The following BCL7A variants were observed in gnomAD, a reference collection of about 807,000 sequenced individuals.
The protein encoded by BCL7A is BAF chromatin remodeling complex subunit BCL7A, also known as B-cell CLL/lymphoma 7 protein family member A.
In BCL7A, 11 loss-of-function variants were observed where a neutral mutation model predicts 28.4. The observed-to-expected ratio is 0.39, with a 90% confidence interval of 0.24 to 0.64. The LOEUF (loss-of-function observed/expected upper bound fraction) is 0.64, where lower values mean the gene tolerates loss of function less well. Among genes scored for constraint, BCL7A ranks in the 30% least tolerant of loss-of-function variants. The probability of loss-of-function intolerance (pLI) is 0.50; values close to 1 mark genes in which losing one functional copy is unlikely to be tolerated. For synonymous variants in BCL7A, 123 were observed against 103.3 expected (o/e 1.19, Z -1.15); for missense variants, 222 against 274.8 (o/e 0.81, Z 1.36).
chr12:122,039,947 C>T (rs1285127107), intron 3 of BCL7A, among the ~76,000 whole-genome samples: 1 of 152,150 alleles, frequency 6.6e-6, no homozygotes, highest in African/African-American at 2.4e-5. Context: ...CAATCCTCCT[C>T]CCTCAACCTC....
At chr12:122,049,035 A>ATATAT (rs1491333665) in intron 4 of BCL7A, among the ~76,000 whole-genome samples, 2 of 58,364 alleles carry the variant, frequency 3.4e-5, no homozygotes, top group East Asian at 4.8e-4. Flanking sequence ...AAAAAAAAAA[A>ATATAT]ATATATATAT....
intron 4 of BCL7A, among the ~76,000 whole-genome samples, chr12:122,051,927 G>A (rs1029909914): frequency 3.3e-5 from 4 of 120,236 alleles, no homozygotes; most frequent in Non-Finnish European, 6.3e-5. Context: ...AGGCTGGAGT[G>A]CAGTGGTGCG....
chr12:122,052,230 C>T (rs919156076), intron 4 of BCL7A, among the ~76,000 whole-genome samples: 2 of 152,064 alleles, frequency 1.3e-5, no homozygotes, highest in Non-Finnish European at 2.9e-5. Flanking sequence ...GATGAGATTT[C>T]ACTATATTTC....
chr12:122,031,308 G>A (rs187094636), intron 2 of BCL7A, among the ~76,000 whole-genome samples: 6 of 152,176 alleles, frequency 3.9e-5, no homozygotes, highest in African/African-American at 9.6e-5. Flanking sequence ...GAGTTAAGGC[G>A]TGAACCAGTG....
At chr12:122,047,692 T>C (rs1319511576) in intron 4 of BCL7A, among the ~76,000 whole-genome samples, 2 of 151,242 alleles carry the variant, frequency 1.3e-5, no homozygotes, top group Non-Finnish European at 3.0e-5. Context: ...GCCCTGGTAA[T>C]GTTTATAGTT....
chr12:122,025,335 A>T (rs575643739), intron 1 of BCL7A, among the ~76,000 whole-genome samples: 1 of 151,750 alleles, frequency 6.6e-6, no homozygotes, highest in Non-Finnish European at 1.5e-5. Context: ...AAAGAAAAAG[A>T]AAAAAAAGAG....
chr12:122,022,264 CGCCCCGGCCGCCT>C, intron 1 of BCL7A, 81 bp downstream of exon 1: 2 of 812,720 alleles, frequency 2.5e-6, no homozygotes, highest in Non-Finnish European at 3.0e-6. Flanking sequence ...CGGGGCGCAG[CGCCCCGGCCGCCT>C]GCCCCGGCCC....
chr12:122,025,038 T>G (rs1320486704), intron 1 of BCL7A, among the ~76,000 whole-genome samples: 1 of 150,922 alleles, frequency 6.6e-6, no homozygotes, highest in African/African-American at 2.4e-5. Context: ...TTTTCTGGTG[T>G]TTCAGCAAGG....
intron 4 of BCL7A, chr12:122,044,329 C>G: frequency 2.9e-6 from 1 of 341,524 alleles, no homozygotes; most frequent in East Asian, 5.6e-5. Context: ...GGCAACATAG[C>G]AAGACCTCAT....
At chr12:122,024,177 G>T (rs1355074953) in intron 1 of BCL7A, among the ~76,000 whole-genome samples, 2 of 152,350 alleles carry the variant, frequency 1.3e-5, no homozygotes, top group East Asian at 1.9e-4. Context: ...GCCTCCCTGG[G>T]TTTGGGGAAA....
chr12:122,043,005 C>CA (rs1883990720), intron 3 of BCL7A, among the ~76,000 whole-genome samples: 1 of 151,798 alleles, frequency 6.6e-6, no homozygotes, highest in Non-Finnish European at 1.5e-5. Flanking sequence ...TCCCCTCCCC[C>CA]AACTTTTTTT....
chr12:122,045,053 T>G (rs1884043455), intron 4 of BCL7A, among the ~76,000 whole-genome samples: 1 of 151,620 alleles, frequency 6.6e-6, no homozygotes, highest in South Asian at 2.1e-4. Flanking sequence ...AGGAGAGCAG[T>G]GTGGGCAGAG....
chr12:122,041,022 CTT>C (rs879371599), intron 3 of BCL7A, among the ~76,000 whole-genome samples: 6 of 147,160 alleles, frequency 4.1e-5, no homozygotes, highest in Non-Finnish European at 6.0e-5. Context: ...ACACATCCTT[CTT>C]TTTTTTTTTT....
intron 4 of BCL7A, among the ~76,000 whole-genome samples, chr12:122,050,298 TG>T (rs58969734): frequency 0.021 from 2,520 of 118,554 alleles, 76 homozygotes; most frequent in African/African-American, 0.063. Context: ...TTCTTTATTG[TG>T]GGGGGGGGGC....
intron 1 of BCL7A, among the ~76,000 whole-genome samples, chr12:122,025,744 G>C (rs2135838136): frequency 6.6e-6 from 1 of 151,498 alleles, no homozygotes; most frequent in African/African-American, 2.4e-5. Flanking sequence ...TCAGGAGTTG[G>C]AAACCAGCCT....
rs1951907648 is a variant in BCL7A at position 122,060,003 on chromosome 12, A to C, written c.*840A>C. The C allele has an allele frequency of 4.3e-6, 1 of 232,974 alleles. No individual in the cohort carries two copies. The highest frequency in any genetic ancestry group is 2.2e-5 in the African/African-American group (1 of 45,150). 14.4% of individuals were successfully genotyped at this position (232,974 alleles called of 1,614,324 possible). ...CTTCCTCTCTATTGCCCCCACCACC[A>C]CCACCCCCATCACTGCTTTCTCCCA... On this transcript the variant is annotated 3_prime_UTR_variant, in exon 6 of 6. Coordinates refer to ENST00000261822, the MANE Select transcript of BCL7A (RefSeq NM_001024808.3).
chr12:122,036,849 A>C (rs947876102), intron 3 of BCL7A, among the ~76,000 whole-genome samples: 3 of 152,086 alleles, frequency 2.0e-5, no homozygotes, highest in African/African-American at 7.2e-5. Flanking sequence ...CTGGGATTAC[A>C]GGCACGTGCT....
intron 5 of BCL7A, among the ~76,000 whole-genome samples, chr12:122,056,328 C>T (rs1431946785): frequency 1.1e-4 from 17 of 151,918 alleles, no homozygotes. Context: ...TGCCAGGAGT[C>T]CCCCATTCTC....
chr12:122,024,184 G>A (rs887851775), intron 1 of BCL7A, among the ~76,000 whole-genome samples: 2 of 152,346 alleles, frequency 1.3e-5, no homozygotes, highest in East Asian at 1.9e-4. Context: ...TGGGTTTGGG[G>A]AAACAACACA....
Sources: gnomAD v4.1 joint callset for allele counts (sites outside exome capture counted in the v4.1 genomes callset) on GRCh38, gnomAD v4.1.1 for gene constraint, MANE v1.5 for transcripts, NCBI Gene and HGNC (gene_info 2026-07-23, HGNC 2026-07-21) for gene names.